Variants in TRPC6 observed in about 807,000 individuals in gnomAD.
TRPC6 encodes the protein short transient receptor potential channel 6.
TRPC6 carries 55 observed loss-of-function variants against 90.7 expected under a neutral mutation model. The ratio of observed to expected loss-of-function variants is 0.61; its 90% CI spans 0.49 to 0.76. TRPC6 has a LOEUF of 0.76. Ranked by LOEUF, TRPC6 falls within the 30% of genes least tolerant of loss-of-function variation. TRPC6 has a pLI of 0.00. For missense variants in TRPC6, 989 were observed against 1,122.7 expected, an observed-to-expected ratio of 0.88 and a Z score of 1.70; for synonymous variants, 393 against 393.0, an observed-to-expected ratio of 1.00 and a Z score of 0.00.
At chr11:101,527,421 G>C (rs1860804570) in intron 1 of TRPC6, among the ~76,000 whole-genome samples, 1 of 152,118 alleles carries the variant, frequency 6.6e-6, no homozygotes, top group Non-Finnish European at 1.5e-5. Context: ...ATAATGATTT[G>C]ACTGGGCTAG....
intron 1 of TRPC6, among the ~76,000 whole-genome samples, chr11:101,544,569 T>C: frequency 6.6e-6 from 1 of 152,196 alleles, no homozygotes; most frequent in Non-Finnish European, 1.5e-5. Context: ...GATGAGTTCA[T>C]GTCCTTTGCA....
At chr11:101,499,888 C>A in intron 2 of TRPC6, among the ~76,000 whole-genome samples, 3 of 92,930 alleles carry the variant, frequency 3.2e-5, no homozygotes, top group Non-Finnish European at 6.4e-5. Context: ...TATATATACA[C>A]AGTATAAAAT....
chr11:101,477,180 T>G (rs1859437114), intron 5 of TRPC6, among the ~76,000 whole-genome samples: 1 of 150,844 alleles, frequency 6.6e-6, no homozygotes. Flanking sequence ...TTAGACTGTG[T>G]AAAGATCTAG....
intron 2 of TRPC6, among the ~76,000 whole-genome samples, chr11:101,500,469 A>G (rs1307982702): frequency 6.6e-6 from 1 of 152,020 alleles, no homozygotes; most frequent in Non-Finnish European, 1.5e-5. Context: ...CGGCCTCCCA[A>G]AGTGCAGGGA....
chr11:101,500,185 A>G (rs530291208), intron 2 of TRPC6, among the ~76,000 whole-genome samples: 12 of 141,650 alleles, frequency 8.5e-5, no homozygotes, highest in African/African-American at 3.2e-4. Flanking sequence ...GTTAAAATTT[A>G]TTTTTCAAAA....
At chr11:101,528,138 T>C (rs1454752292) in intron 1 of TRPC6, among the ~76,000 whole-genome samples, 1 of 152,222 alleles carries the variant, frequency 6.6e-6, no homozygotes, top group Non-Finnish European at 1.5e-5. Flanking sequence ...CAGATTTATG[T>C]CTATCAATAT....
intron 4 of TRPC6, among the ~76,000 whole-genome samples, chr11:101,484,595 ATGTGTGTGTGTGTGTGTGTGTGTG>A (rs61160203): frequency 3.5e-5 from 5 of 140,902 alleles, no homozygotes; most frequent in Middle Eastern, 6.9e-3. Flanking sequence ...CTCTCATGCT[ATGTGTGTGTGTGTGTGTGTGTGTG>A]TGTGTGTGTG....
intron 1 of TRPC6, 21 bp from the exon 2 acceptor site, chr11:101,504,819 T>G: frequency 6.2e-7 from 1 of 1,609,924 alleles, no homozygotes; most frequent in Non-Finnish European, 8.5e-7. Context: ...ACAGAAAGAT[T>G]GTAAACAAAT....
chr11:101,470,679 A>G (rs996339395), intron 9 of TRPC6, among the ~76,000 whole-genome samples: 1 of 152,124 alleles, frequency 6.6e-6, no homozygotes, highest in Non-Finnish European at 1.5e-5. Flanking sequence ...ACTGTTTTCA[A>G]TCAATGTCCT....
chr11:101,521,024 G>C (rs1385884400), intron 1 of TRPC6, among the ~76,000 whole-genome samples: 1 of 152,020 alleles, frequency 6.6e-6, no homozygotes, highest in African/African-American at 2.4e-5. Flanking sequence ...CTGACCCTGT[G>C]TAGAAAAGAA....
At chr11:101,470,996 G>A (rs1307572959) in intron 9 of TRPC6, among the ~76,000 whole-genome samples, 187 bp downstream of exon 9, 1 of 152,014 alleles carries the variant, frequency 6.6e-6, no homozygotes, top group Admixed American at 6.6e-5. Flanking sequence ...ATTCTTTTAA[G>A]TAGGAAATGT....
intron 1 of TRPC6, among the ~76,000 whole-genome samples, chr11:101,516,964 T>C (rs888063349): frequency 6.6e-6 from 1 of 152,264 alleles, no homozygotes; most frequent in African/African-American, 2.4e-5. Flanking sequence ...TTTTGCCATG[T>C]TTCCCCTTTT....
chr11:101,498,326 G>GT (rs1319908178), intron 2 of TRPC6, among the ~76,000 whole-genome samples: 1 of 152,130 alleles, frequency 6.6e-6, no homozygotes, highest in African/African-American at 2.4e-5. Context: ...ATTTGAATGG[G>GT]TAAAAATTGT....
At chr11:101,552,526 A>T (rs1396635406) in intron 1 of TRPC6, among the ~76,000 whole-genome samples, 1 of 152,126 alleles carries the variant, frequency 6.6e-6, no homozygotes, top group Admixed American at 6.6e-5. Context: ...TAAGGAGGTG[A>T]GTCAGAAAGT....
Position 101,492,001 on chromosome 11 carries a change from C to T in TRPC6, c.946-263G>A, listed in dbSNP as rs551735599. On this transcript the variant is annotated intron_variant, in intron 2 of 12. Coordinates refer to ENST00000344327, the MANE Select transcript of TRPC6 (RefSeq NM_004621.6). ...GACTACAGGCGCCCGCCACCACGCCCGGCTAATTTTTGTATTTTTAGTAGA... is the reference window on the plus strand; with the variant it reads ...GACTACAGGCGCCCGCCACCACGCCTGGCTAATTTTTGTATTTTTAGTAGA... 4.6e-5 allele frequency among the ~76,000 whole-genome samples: 7 copies of T among 151,752 alleles called. No individual in the cohort carries two copies. In the South Asian group the frequency reaches 6.3e-4, roughly 14 times the overall value.
At chr11:101,464,784 T>G (rs1380197325) in intron 10 of TRPC6, among the ~76,000 whole-genome samples, 1 of 152,178 alleles carries the variant, frequency 6.6e-6, no homozygotes, top group Non-Finnish European at 1.5e-5. Context: ...GCATTTAGCC[T>G]GTTTACATTT....
At chr11:101,567,129 T>C (rs1274249483) in intron 1 of TRPC6, among the ~76,000 whole-genome samples, 2 of 151,982 alleles carry the variant, frequency 1.3e-5, no homozygotes, top group East Asian at 3.9e-4. Flanking sequence ...CTTGAAATTC[T>C]CCTGGCCAAC....
intron 1 of TRPC6, among the ~76,000 whole-genome samples, chr11:101,563,230 C>T (rs1254925836): frequency 6.6e-6 from 1 of 152,078 alleles, no homozygotes; most frequent in Non-Finnish European, 1.5e-5. Flanking sequence ...TAGTGTTGTA[C>T]TAGAAACTGA....
At chr11:101,496,651 T>G (rs184219628) in intron 2 of TRPC6, among the ~76,000 whole-genome samples, 11 of 152,326 alleles carry the variant, frequency 7.2e-5, no homozygotes, top group Non-Finnish European at 1.6e-4. Context: ...TCTGGTTAGC[T>G]TTTACTCTTC....
Sources: gnomAD v4.1 joint callset for allele counts (sites outside exome capture counted in the v4.1 genomes callset) on GRCh38, gnomAD v4.1.1 for gene constraint, MANE v1.5 for transcripts, NCBI Gene and HGNC (gene_info 2026-07-23, HGNC 2026-07-21) for gene names.